Variants in ANKS1B observed in about 807,000 individuals in gnomAD.
ANKS1B encodes the protein ankyrin repeat and sterile alpha motif domain containing 1B.
Under a neutral mutation model 148.3 loss-of-function variants are expected in ANKS1B, and 36 were observed. The observed-to-expected ratio is 0.24, with a 90% CI of 0.19 to 0.32. The LOEUF is 0.32. Among genes scored for constraint, ANKS1B ranks in the 10% least tolerant of loss-of-function variants. The pLI is 1.00. For synonymous variants in ANKS1B, 542 were observed against 560.8 expected (o/e 0.97, Z 0.47); for missense variants, 1,157 against 1,542.6 (o/e 0.75, Z 4.19).
At chr12:99,343,813 T>C (rs1182565598) in intron 12 of ANKS1B, 1 of 152,050 alleles carries the variant, frequency 6.6e-6, no homozygotes, top group Non-Finnish European at 1.5e-5. Flanking sequence ...TATGCTCCAA[T>C]GAAATTACTC....
chr12:99,108,810 G>A (rs75620054), intron 15 of ANKS1B, among the ~76,000 whole-genome samples: 57 of 152,226 alleles, frequency 3.7e-4, no homozygotes, highest in Admixed American at 5.9e-4. Flanking sequence ...GCTTTCAGTA[G>A]GACACTTTAT....
At chr12:99,713,536 G>A (rs577106770) in intron 8 of ANKS1B, among the ~76,000 whole-genome samples, 1 of 151,948 alleles carries the variant, frequency 6.6e-6, no homozygotes, top group African/African-American at 2.4e-5. Flanking sequence ...AAATCTCCAC[G>A]CTCATGGCTT....
intron 17 of ANKS1B, among the ~76,000 whole-genome samples, chr12:98,900,345 T>TA (rs1291359229): frequency 6.6e-6 from 1 of 152,266 alleles, no homozygotes; most frequent in African/African-American, 2.4e-5. Flanking sequence ...CTTAGTATTC[T>TA]ACATTGTTAG....
intron 12 of ANKS1B, among the ~76,000 whole-genome samples, chr12:99,393,280 G>A (rs1454719750): frequency 6.6e-6 from 1 of 152,162 alleles, no homozygotes; most frequent in Non-Finnish European, 1.5e-5. Context: ...TGGGTTCTCA[G>A]GTCATTCAAA....
chr12:99,261,154 C>T (rs1004093983), intron 12 of ANKS1B, among the ~76,000 whole-genome samples: 16 of 152,108 alleles, frequency 1.1e-4, no homozygotes. Flanking sequence ...GGCTTTTATT[C>T]CACCTACCTC....
At chr12:98,822,340 TC>T (rs1385448455) in intron 19 of ANKS1B, among the ~76,000 whole-genome samples, 1 of 152,138 alleles carries the variant, frequency 6.6e-6, no homozygotes, top group East Asian at 1.9e-4. Context: ...CAGAGAATTC[TC>T]CTACCCTTGA....
intron 25 of ANKS1B, among the ~76,000 whole-genome samples, chr12:98,767,741 A>G (rs1456496292): frequency 6.6e-6 from 1 of 152,260 alleles, no homozygotes; most frequent in Non-Finnish European, 1.5e-5. Context: ...AAATCTTTCT[A>G]TGTTGACTTA....
chr12:99,632,910 TC>T (rs2098186668), intron 9 of ANKS1B, among the ~76,000 whole-genome samples: 1 of 33,884 alleles, frequency 3.0e-5, no homozygotes. Flanking sequence ...CCCTCCCCCC[TC>T]CCCCCACCCC....
Position 99,170,148 on chromosome 12 carries a change from T to C in ANKS1B, c.2420-15753A>G, listed in dbSNP as rs144207253. Among the ~76,000 whole-genome samples, 1,154 of 152,338 alleles carry C rather than the reference T, an allele frequency of 7.6e-3. 7 individuals are homozygous for C. Among genetic ancestry groups the C allele is most frequent in the Non-Finnish European group, 9.6e-3 (655 of 68,030 alleles). On this transcript the variant is annotated intron_variant, in intron 14 of 26. Transcript: ENST00000683438. ...CCATCACCTGGATATTTTTATTTCA[T>C]GTCAGCAAAGGGCTCTGCTGTGATT...
chr12:99,828,470 A>T (rs2083480683), intron 1 of ANKS1B, among the ~76,000 whole-genome samples: 1 of 152,166 alleles, frequency 6.6e-6, no homozygotes, highest in African/African-American at 2.4e-5. Context: ...CTCAAATATG[A>T]ACAAATAACC....
intron 12 of ANKS1B, among the ~76,000 whole-genome samples, chr12:99,259,773 C>T (rs1005511651): frequency 6.8e-5 from 10 of 146,662 alleles, no homozygotes; most frequent in Admixed American, 1.3e-4. Context: ...CCTTCCCACA[C>T]GTCTTTCCTC....
At chr12:99,725,594 A>C (rs2058540318) in intron 8 of ANKS1B, among the ~76,000 whole-genome samples, 1 of 152,178 alleles carries the variant, frequency 6.6e-6, no homozygotes, top group Non-Finnish European at 1.5e-5. Context: ...TGGACACATC[A>C]ATGAGACAGA....
At chr12:99,165,679 TG>T (rs1341331721) in intron 14 of ANKS1B, among the ~76,000 whole-genome samples, 2 of 116,428 alleles carry the variant, frequency 1.7e-5, no homozygotes, top group Non-Finnish European at 3.5e-5. Context: ...ATGGCTCTAG[TG>T]TTAAATTCTA....
intron 14 of ANKS1B, among the ~76,000 whole-genome samples, chr12:99,162,465 A>T (rs2076755043): frequency 6.6e-6 from 1 of 152,148 alleles, no homozygotes; most frequent in Non-Finnish European, 1.5e-5. Context: ...GGGGTTGTTT[A>T]ATATATATTG....
intron 17 of ANKS1B, among the ~76,000 whole-genome samples, chr12:98,864,709 AGTG>A (rs2099615853): frequency 6.6e-6 from 1 of 152,172 alleles, no homozygotes; most frequent in Non-Finnish European, 1.5e-5. Context: ...CTTACATCCT[AGTG>A]GTTCTGTTTC....
chr12:99,020,625 A>T (rs919307023), intron 17 of ANKS1B, among the ~76,000 whole-genome samples: 2 of 152,158 alleles, frequency 1.3e-5, no homozygotes, highest in African/African-American at 4.8e-5. Context: ...TAGTGATTTT[A>T]AATTAATTTA....
intron 12 of ANKS1B, among the ~76,000 whole-genome samples, chr12:99,355,973 G>T (rs2091936282): frequency 6.6e-6 from 1 of 151,898 alleles, no homozygotes. Context: ...AAAATCCAGG[G>T]TCTAATCAGA....
chr12:99,956,222 G>A (rs943574015), intron 1 of ANKS1B, among the ~76,000 whole-genome samples: 4 of 149,992 alleles, frequency 2.7e-5, no homozygotes, highest in Non-Finnish European at 5.9e-5. Context: ...AGGTTGCAGT[G>A]AGCTGAGATC....
chr12:99,787,941 A>T (rs1386784071), intron 4 of ANKS1B, among the ~76,000 whole-genome samples: 1 of 152,206 alleles, frequency 6.6e-6, no homozygotes, highest in East Asian at 1.9e-4. Flanking sequence ...GCACCAGCCC[A>T]GCCAGAAGGG....
Sources: allele counts gnomAD v4.1 joint callset (sites outside exome capture counted in the v4.1 genomes callset), GRCh38; gene constraint gnomAD v4.1.1; transcripts MANE v1.5; gene names NCBI Gene and HGNC (gene_info 2026-07-23, HGNC 2026-07-21).